Variants in TDRD9 observed in about 807,000 individuals in gnomAD.
The protein encoded by TDRD9 is ATP-dependent RNA helicase TDRD9.
In TDRD9, 124 loss-of-function variants were observed where a neutral mutation model predicts 172.6. That is an observed-to-expected ratio of 0.72 (90% CI 0.62 to 0.83). TDRD9 has a LOEUF of 0.83. Ranked by LOEUF, TDRD9 falls within the 40% of genes least tolerant of loss-of-function variation. The pLI, the probability that TDRD9 is intolerant of heterozygous loss-of-function variation, is 0.00. For synonymous variants in TDRD9, 619 were observed against 617.1 expected, an observed-to-expected ratio of 1.00 and a Z score of -0.05; for missense variants, 1,479 against 1,714.1, an observed-to-expected ratio of 0.86 and a Z score of 2.42.
chr14:104,044,776 G>GT (rs1397932099), intron 34 of TDRD9, among the ~76,000 whole-genome samples: 1 of 152,200 alleles, frequency 6.6e-6, no homozygotes, highest in East Asian at 1.9e-4. Context: ...TTGTGAACAT[G>GT]TATTTTTCTC....
intron 15 of TDRD9, 131 bp downstream of exon 15, chr14:104,005,536 C>T (rs938020013): frequency 3.1e-6 from 3 of 961,062 alleles, no homozygotes; most frequent in African/African-American, 3.3e-5. Context: ...CTCTGTTCCT[C>T]CTGCCTCACT....
In TDRD9 at chr14:103,947,446, G is replaced by A. The variant is rs527691705; in HGVS notation, c.216-8218G>A. Among the ~76,000 whole-genome samples the A allele has an allele frequency of 5.3e-5, 8 of 151,962 alleles. No individual in the cohort carries two copies. In the South Asian group the frequency reaches 1.2e-3, roughly 24 times the overall value. On this transcript the variant is annotated intron_variant, in intron 1 of 35. Transcript: ENST00000409874. ...AGGTTCATGCCATTCTCCTGCCTTA[G>A]CCTCCCGAGTAGCTGGGACTACAGG...
At chr14:104,048,366 G>C (rs2035841833) in intron 34 of TDRD9, among the ~76,000 whole-genome samples, 1 of 152,314 alleles carries the variant, frequency 6.6e-6, no homozygotes, top group African/African-American at 2.4e-5. Flanking sequence ...AGTCTCCCAA[G>C]TAGGTAGGGC....
chr14:104,021,811 A>G (rs1483927862), intron 23 of TDRD9, among the ~76,000 whole-genome samples: 1 of 152,252 alleles, frequency 6.6e-6, no homozygotes, highest in African/African-American at 2.4e-5. Context: ...GTAAAGAAAG[A>G]CATTCTGTTA....
At chr14:104,048,456 T>C (rs2035844696) in intron 34 of TDRD9, among the ~76,000 whole-genome samples, 1 of 152,114 alleles carries the variant, frequency 6.6e-6, no homozygotes, top group Non-Finnish European at 1.5e-5. Context: ...TTCCTAGGTG[T>C]TGTCCTTGTA....
At chr14:103,952,239 T>A (rs1319019213) in intron 1 of TDRD9, among the ~76,000 whole-genome samples, 15 of 69,408 alleles carry the variant, frequency 2.2e-4, no homozygotes, top group Non-Finnish European at 3.0e-4. Flanking sequence ...TTTTTTTTTT[T>A]TTTTTTTTTT....
intron 3 of TDRD9, among the ~76,000 whole-genome samples, chr14:103,963,645 G>A (rs762255449): frequency 8.5e-5 from 13 of 152,152 alleles, no homozygotes; most frequent in Non-Finnish European, 1.8e-4. Context: ...TATTAACAAT[G>A]CCAGGCAGAT....
In TDRD9 at chr14:103,970,618, G is replaced by C. The variant is rs905391862; in HGVS notation, c.843G>C (p.Val281=). 1 of 1,547,964 alleles carries C rather than the reference G, an allele frequency of 6.5e-7. No homozygotes were observed. The highest frequency in any genetic ancestry group is 2.4e-5 in the East Asian group (1 of 40,904). ...TCTTAAGAACAAATTCACGTTTTGT[G>C]AAGGTAAATTTGATTTCATGAGTAA... The part of the protein sequence containing the change: ...RKLLRTNSRF[V]KVVLMSATIS... The change falls in exon 6 of 36, where the codon GTG becomes GTC. Residue 281 remains valine, a synonymous_variant. Coordinates refer to ENST00000409874, the MANE Select transcript of TDRD9 (RefSeq NM_153046.3).
chr14:103,991,371 G>A lies in TDRD9; in HGVS notation c.1180+147G>A, dbSNP rs553806036. On this transcript the variant is annotated intron_variant, in intron 9 of 35. Coordinates refer to ENST00000409874, the MANE Select transcript of TDRD9 (RefSeq NM_153046.3). ...AGTATGTGAACAAATGTAACTTTCA[G>A]TTTGGCTTTTTATTGTAACCCTTGC... is the stretch of plus-strand genomic sequence containing the variant. 1.1e-4 allele frequency: 92 copies of A among 839,490 alleles called. 2 individuals are homozygous for A. The African/African-American group carries it at 1.3e-3, about 12-fold the overall frequency. The allele number at this position is 839,490 out of a possible 1,614,324, so 52.0% of individuals were successfully genotyped here. A position where few individuals can be genotyped will look rare whatever the true frequency, so the allele number is the denominator to read the frequency against.
chr14:103,932,598 A>G (rs1353550872), intron 1 of TDRD9, among the ~76,000 whole-genome samples: 1 of 152,092 alleles, frequency 6.6e-6, no homozygotes, highest in Non-Finnish European at 1.5e-5. Flanking sequence ...CGTGTTAGCC[A>G]GGATGGTCTC....
At chr14:103,937,516 C>T (rs1031794463) in intron 1 of TDRD9, among the ~76,000 whole-genome samples, 6 of 152,152 alleles carry the variant, frequency 3.9e-5, no homozygotes, top group African/African-American at 1.4e-4. Flanking sequence ...ACTTTTTAAC[C>T]TTCTCCAAGT....
chr14:104,032,198 T>A (rs201358450), intron 30 of TDRD9, 111 bp downstream of exon 30: 1 of 248,732 alleles, frequency 4.0e-6, no homozygotes, highest in African/African-American at 5.5e-5. Context: ...GTGTTATCTT[T>A]TCTTTTCTTT....
intron 19 of TDRD9, among the ~76,000 whole-genome samples, 170 bp from the exon 20 acceptor site, chr14:104,008,243 C>T (rs1387953163): frequency 6.6e-6 from 1 of 152,128 alleles, no homozygotes. Context: ...CGCTCTCTGG[C>T]TTCAATGTAA....
chr14:103,983,056 C>CTTTTTTTTTT (rs397853010), intron 7 of TDRD9, among the ~76,000 whole-genome samples: 2 of 87,616 alleles, frequency 2.3e-5, no homozygotes, highest in Admixed American at 1.5e-4. Context: ...CTGTGGGTCA[C>CTTTTTTTTTT]TTTTTTTTTT....
chr14:103,942,990 C>T (rs550893175), intron 1 of TDRD9, among the ~76,000 whole-genome samples: 1 of 150,416 alleles, frequency 6.6e-6, no homozygotes, highest in Non-Finnish European at 1.5e-5. Flanking sequence ...TAAGAACATA[C>T]AAAATTCTAA....
At chr14:103,958,897 A>G (rs1392057619) in intron 2 of TDRD9, among the ~76,000 whole-genome samples, 1 of 152,240 alleles carries the variant, frequency 6.6e-6, no homozygotes, top group Non-Finnish European at 1.5e-5. Flanking sequence ...TGAGATAGGC[A>G]AGACTAGTAA....
chr14:104,015,051 GTATT>G (rs1193756427), intron 21 of TDRD9, among the ~76,000 whole-genome samples: 1 of 152,270 alleles, frequency 6.6e-6, no homozygotes, highest in East Asian at 1.9e-4. Context: ...CACCTAGAGA[GTATT>G]TATTGTTTAT....
Position 104,005,357 on chromosome 14 carries a change from C to T in TDRD9, c.1665C>T (p.Ser555=), listed in dbSNP as rs1420164990. ...GAGCTCTGCTGGCCACTGCCCTTTC[C>T]CCGCCTGGTCTGAGTGACATTGAGC... ...EPRALLATAL[S]PPGLSDIERT... is the part of the protein sequence containing the mutation. Residue 555 remains serine (S), a synonymous_variant, in exon 15 of 36, where the codon TCC becomes TCT. Coordinates refer to ENST00000409874, the MANE Select transcript of TDRD9 (RefSeq NM_153046.3). The T allele has an allele frequency of 2.5e-6, 4 of 1,614,006 alleles. No homozygotes were observed. The highest frequency in any genetic ancestry group is 1.1e-5 in the South Asian group (1 of 91,076).
chr14:104,046,911 G>A lies in TDRD9; in HGVS notation c.3975-2697G>A, dbSNP rs535731984. Reference sequence around the variant, plus strand: ...TCCGCCCACCTCGGCCTCCCAAAGTGCTGGGATTACAGGCGTGAGCCACCG... The same window carrying A: ...TCCGCCCACCTCGGCCTCCCAAAGTACTGGGATTACAGGCGTGAGCCACCG... On this transcript the variant is annotated intron_variant, in intron 34 of 35. Transcript: ENST00000409874. Among the ~76,000 whole-genome samples the A allele has an allele frequency of 2.0e-5, 3 of 152,324 alleles. No homozygotes were observed. The South Asian group carries it at 6.2e-4, about 32-fold the overall frequency.
Sources: allele counts gnomAD v4.1 joint callset (sites outside exome capture counted in the v4.1 genomes callset), GRCh38; gene constraint gnomAD v4.1.1; transcripts MANE v1.5; gene names NCBI Gene and HGNC (gene_info 2026-07-23, HGNC 2026-07-21).